The following NUBP2 variants were observed in gnomAD, a reference collection of about 807,000 sequenced individuals.
NUBP2 encodes the protein cytosolic Fe-S cluster assembly factor NUBP2.
A neutral mutation model predicts 24.9 loss-of-function variants in NUBP2; 23 were observed. The observed-to-expected ratio is 0.92, with a 90% CI of 0.66 to 1.31. The LOEUF (loss-of-function observed/expected upper bound fraction) is 1.31. Among genes scored for constraint, NUBP2 ranks in the 50% most tolerant of loss-of-function variants. The pLI is 0.00. For synonymous variants in NUBP2, 186 were observed against 170.9 expected (o/e 1.09, Z -0.69); for missense variants, 403 against 386.5 (o/e 1.04, Z -0.36).
intron 6 of NUBP2, 51 bp from the exon 7 acceptor site, chr16:1,788,518 T>C (rs919930113): frequency 5.9e-6 from 9 of 1,538,058 alleles, no homozygotes; most frequent in Non-Finnish European, 6.1e-6. Context: ...GAGCCAATGG[T>C]GGGAGTGGAA....
Position 1,783,883 on chromosome 16 carries a change from C to T in NUBP2, c.16+847C>T, listed in dbSNP as rs573036622. 240 of 288,878 alleles carry T rather than the reference C, an allele frequency of 8.3e-4. 1 individual carries two copies. The Middle Eastern group carries it at 0.015, about 18-fold the overall frequency. The allele number at this position is 288,878 out of a possible 1,614,324, so 17.9% of individuals were successfully genotyped here. Reference sequence around the variant, plus strand: ...TAATTTTTTGTATTTTTAGTAGAGACGGGGTTTCACCGTGTTAGCCAGGAT... The same window carrying T: ...TAATTTTTTGTATTTTTAGTAGAGATGGGGTTTCACCGTGTTAGCCAGGAT... On this transcript the variant is annotated intron_variant, in intron 1 of 6. Transcript: ENST00000262302.
chr16:1,786,447 A>C (rs1229873004), intron 1 of NUBP2, 90 bp from the exon 2 acceptor site: 13 of 1,129,700 alleles, frequency 1.2e-5, no homozygotes, highest in Non-Finnish European at 1.7e-5. Flanking sequence ...CCCGCTCAGA[A>C]CGTGGGTGCA....
In NUBP2 at chr16:1,788,799, C is replaced by CCGGGCCCTGCAGGGG; in HGVS notation, c.*87_*101dup. 1 of 1,472,338 alleles carries CCGGGCCCTGCAGGGG rather than the reference C, an allele frequency of 6.8e-7. No individual in the cohort carries two copies. Among genetic ancestry groups the CCGGGCCCTGCAGGGG allele is most frequent in the East Asian group, 2.4e-5 (1 of 41,250 alleles). 91.2% of individuals were successfully genotyped at this position (1,472,338 alleles called of 1,614,324 possible). On this transcript the variant is annotated 3_prime_UTR_variant, in exon 7 of 7. Transcript: ENST00000262302. ...AGAAACAGAGGCCTGGGCTCGGTTCCCGGGCCCTGCAGGGGCAGGCCCAGG... is the reference window on the plus strand; with the variant it reads ...AGAAACAGAGGCCTGGGCTCGGTTCCCGGGCCCTGCAGGGGCGGGCCCTGCAGGGGCAGGCCCAGG...
intron 3 of NUBP2, chr16:1,787,282 G>A (rs1416437343): frequency 1.5e-5 from 6 of 403,966 alleles, no homozygotes; most frequent in Non-Finnish European, 2.7e-5. Context: ...GGCATTAGAC[G>A]CCCCCAAAGG....
chr16:1,789,024 G>T lies in NUBP2; in HGVS notation c.*310G>T. The T allele has an allele frequency of 3.0e-6, 1 of 328,684 alleles. No individual in the cohort carries two copies. The highest frequency in any genetic ancestry group is 6.0e-5 in the East Asian group (1 of 16,652). The allele number at this position is 328,684 out of a possible 1,614,324, so 20.4% of individuals were successfully genotyped here. ...TGTCCACACAGTTAGCGGAGCGCGG[G>T]ACTTCTGCAGTCCTCAGGTGACCCC... On this transcript the variant is annotated 3_prime_UTR_variant, in exon 7 of 7. Transcript: ENST00000262302.
chr16:1,783,595 A>C lies in NUBP2; in HGVS notation c.16+559A>C, dbSNP rs539982978. The C allele has an allele frequency of 1.5e-4, 104 of 679,684 alleles. No homozygotes were observed. The South Asian group carries it at 5.9e-3, about 39-fold the overall frequency. The allele number at this position is 679,684 out of a possible 1,614,324, so 42.1% of individuals were successfully genotyped here. On this transcript the variant is annotated intron_variant, in intron 1 of 6. Coordinates refer to ENST00000262302, the MANE Select transcript of NUBP2 (RefSeq NM_012225.4). ...GGCCCTCCTGAGTAGTGGGAGCCGC[A>C]TTTATCTTCTAAGAGACCTCGAGTC...
intron 3 of NUBP2, 89 bp downstream of exon 3, chr16:1,787,044 C>A: frequency 7.8e-7 from 1 of 1,280,030 alleles, no homozygotes; most frequent in Non-Finnish European, 1.0e-6. Flanking sequence ...TCTTCAGCAG[C>A]CAGGCCTGTT....
rs200701229 is a variant in NUBP2, at chr16:1,787,959, G to A, written c.508G>A (p.Val170Met). 29 of 1,604,668 alleles carry A rather than the reference G, an allele frequency of 1.8e-5. No individual in the cohort carries two copies. Among genetic ancestry groups the A allele is most frequent in the Middle Eastern group, 1.7e-4 (1 of 6,016 alleles). Residue 170 changes from valine (V) to methionine (M), a missense_variant, in exon 5 of 7, where the codon GTG becomes ATG. Coordinates refer to ENST00000262302, the MANE Select transcript of NUBP2 (RefSeq NM_012225.4). ...CCCGCAGGCGGTGTCCGTGGGGGAC[G>A]TGAGGCGCGAGCTGACCTTCTGTAG... ...TTPQAVSVGD[V>M]RRELTFCRKT...
intron 3 of NUBP2, chr16:1,787,242 T>A: frequency 2.3e-6 from 1 of 433,982 alleles, no homozygotes; most frequent in East Asian, 3.7e-5. Context: ...GGGGCAGAGC[T>A]GAGGGGGTTC....
At position 1,788,805 on chromosome 16, in the gene NUBP2, C is replaced by T. The variant is rs1897124499; in HGVS notation, c.*91C>T. 2 of 1,443,824 alleles carry T rather than the reference C, an allele frequency of 1.4e-6. No individual in the cohort carries two copies. The highest frequency in any genetic ancestry group is 1.8e-6 in the Non-Finnish European group (2 of 1,091,284). 89.4% of individuals were successfully genotyped at this position (1,443,824 alleles called of 1,614,324 possible). ...AGAGGCCTGGGCTCGGTTCCCGGGCCCTGCAGGGGCAGGCCCAGGCAGCGT... is the reference window on the plus strand; with the variant it reads ...AGAGGCCTGGGCTCGGTTCCCGGGCTCTGCAGGGGCAGGCCCAGGCAGCGT... On this transcript the variant is annotated 3_prime_UTR_variant, in exon 7 of 7. Transcript: ENST00000262302.
At position 1,787,982 on chromosome 16, in the gene NUBP2, T is replaced by C; in HGVS notation, c.531T>C (p.Cys177=). 1 of 1,604,980 alleles carries C rather than the reference T, an allele frequency of 6.2e-7. No individual in the cohort carries two copies. Among genetic ancestry groups the C allele is most frequent in the Non-Finnish European group, 8.5e-7 (1 of 1,177,278 alleles). Residue 177 remains cysteine (C), a synonymous_variant, in exon 5 of 7, where the codon TGT becomes TGC. Coordinates refer to ENST00000262302, the MANE Select transcript of NUBP2 (RefSeq NM_012225.4). The stretch of plus-strand genomic sequence containing the variant: ...ACGTGAGGCGCGAGCTGACCTTCTG[T>C]AGGAAGACGGGCTTGCGGGTGATGG... ...VGDVRRELTF[C]RKTGLRVMGI...
chr16:1,785,881 T>A (rs530077433), intron 1 of NUBP2: 1 of 1,288,752 alleles, frequency 7.8e-7, no homozygotes, highest in African/African-American at 1.5e-5. Context: ...ACAAGGGGCA[T>A]GGCCTCAGCG....
At chr16:1,788,524 T>C (rs370673010) in intron 6 of NUBP2, 45 bp from the exon 7 acceptor site, 35 of 1,542,404 alleles carry the variant, frequency 2.3e-5, no homozygotes, top group Non-Finnish European at 3.0e-5. Flanking sequence ...ATGGTGGGAG[T>C]GGAAGGTGCG....
At chr16:1,784,024 C>T (rs1038497047) in intron 1 of NUBP2, 1 of 985,000 alleles carries the variant, frequency 1.0e-6, no homozygotes, top group Non-Finnish European at 1.2e-6. Context: ...GAGGAGAAGC[C>T]TGGAAAAGCC....
intron 1 of NUBP2, chr16:1,784,164 C>A: frequency 2.2e-6 from 1 of 451,600 alleles, no homozygotes; most frequent in Non-Finnish European, 2.9e-6. Context: ...GATCATAACT[C>A]ACTGCAGCCT....
In NUBP2 at chr16:1,785,653, G is replaced by A. The variant is rs761666237; in HGVS notation, c.17-884G>A. On this transcript the variant is annotated intron_variant, in intron 1 of 6. Coordinates refer to ENST00000262302, the MANE Select transcript of NUBP2 (RefSeq NM_012225.4). ...TGTGTTTGCAGGAGTGTGGGGCTGG[G>A]GCTGCCTTTTCCGCGTCCCCTGGAG... is the stretch of plus-strand genomic sequence containing the variant. 4.7e-6 allele frequency: 6 copies of A among 1,288,754 alleles called. No individual in the cohort carries two copies. In the South Asian group the frequency reaches 7.4e-5, roughly 16 times the overall value. The allele number at this position is 1,288,754 out of a possible 1,614,324, so 79.8% of individuals were successfully genotyped here. A position where few individuals can be genotyped will look rare whatever the true frequency, so the allele number is the denominator to read the frequency against.
chr16:1,785,545 G>T, intron 1 of NUBP2: 2 of 1,215,434 alleles, frequency 1.6e-6, no homozygotes, highest in Non-Finnish European at 2.1e-6. Context: ...GCCACTTCTG[G>T]TACCTCTTGG....
At position 1,788,798 on chromosome 16, in the gene NUBP2, C is replaced by CA; in HGVS notation, c.*84_*85insA. The CA allele has an allele frequency of 6.8e-7, 1 of 1,472,168 alleles. No homozygotes were observed. Among genetic ancestry groups the CA allele is most frequent in the Non-Finnish European group, 9.0e-7 (1 of 1,108,270 alleles). The allele number at this position is 1,472,168 out of a possible 1,614,324, so 91.2% of individuals were successfully genotyped here. ...GAGAAACAGAGGCCTGGGCTCGGTT[C>CA]CCGGGCCCTGCAGGGGCAGGCCCAG... On this transcript the variant is annotated 3_prime_UTR_variant, in exon 7 of 7. Transcript: ENST00000262302.
intron 1 of NUBP2, chr16:1,786,130 G>C: frequency 8.9e-6 from 4 of 449,822 alleles, no homozygotes; most frequent in Non-Finnish European, 1.4e-5. Flanking sequence ...CCGAGCCCAG[G>C]TGCACTGGCT....
Sources: gnomAD v4.1 joint callset for allele counts on GRCh38, gnomAD v4.1.1 for gene constraint, MANE v1.5 for transcripts, NCBI Gene and HGNC (gene_info 2026-07-23, HGNC 2026-07-21) for gene names.